GRIK1: variants seen among roughly 807,000 people sequenced by gnomAD.
The protein encoded by GRIK1 is glutamate ionotropic receptor kainate type subunit 1.
A neutral mutation model predicts 105.7 loss-of-function variants in GRIK1; 69 were observed. The ratio of observed to expected loss-of-function variants is 0.65; its 90% CI spans 0.54 to 0.80. The LOEUF (loss-of-function observed/expected upper bound fraction) is 0.80, where lower values mean the gene tolerates loss of function less well. GRIK1 is among the 30% of genes least tolerant of loss of function. GRIK1 has a pLI of 0.00. For synonymous variants in GRIK1, 438 were observed against 431.3 expected (o/e 1.02, Z -0.19); for missense variants, 1,109 against 1,167.3 (o/e 0.95, Z 0.73).
chr21:29,847,026 C>T (rs936391010), intron 1 of GRIK1, among the ~76,000 whole-genome samples: 1 of 152,146 alleles, frequency 6.6e-6, no homozygotes. Flanking sequence ...ACCTCCTACT[C>T]TCTTCTCAAC....
intron 1 of GRIK1, among the ~76,000 whole-genome samples, chr21:29,930,161 C>T (rs755716176): frequency 5.9e-5 from 9 of 152,090 alleles, no homozygotes; most frequent in Non-Finnish European, 8.8e-5. Context: ...TCAGATTTTT[C>T]CTAAGAACAA....
intron 4 of GRIK1, among the ~76,000 whole-genome samples, chr21:29,668,875 T>C (rs1175166912): frequency 2.0e-5 from 3 of 151,238 alleles, no homozygotes; most frequent in African/African-American, 7.3e-5. Context: ...GAAATGAGAG[T>C]GAGGAGGAGC....
At chr21:29,688,636 T>G (rs2063529213) in intron 3 of GRIK1, among the ~76,000 whole-genome samples, 2 of 152,166 alleles carry the variant, frequency 1.3e-5, no homozygotes, top group African/African-American at 4.8e-5. Context: ...TAAGATAAAA[T>G]TAGGATGCTT....
intron 4 of GRIK1, among the ~76,000 whole-genome samples, chr21:29,662,893 T>C (rs1339598016): frequency 2.0e-5 from 3 of 152,134 alleles, no homozygotes; most frequent in Non-Finnish European, 4.4e-5. Flanking sequence ...GGGATATGTT[T>C]CAGGCATTGA....
intron 15 of GRIK1, among the ~76,000 whole-genome samples, chr21:29,560,375 T>C: frequency 1.8e-5 from 1 of 55,480 alleles, no homozygotes; most frequent in Non-Finnish European, 3.3e-5. Context: ...CTTCCTTCCT[T>C]CCTTCCTTCC....
chr21:29,574,036 A>G (rs1289543182), intron 14 of GRIK1, among the ~76,000 whole-genome samples: 1 of 152,210 alleles, frequency 6.6e-6, no homozygotes, highest in Non-Finnish European at 1.5e-5. Context: ...TTTTTCATGT[A>G]CGAAATTATT....
chr21:29,778,316 G>A (rs574185481), intron 1 of GRIK1, among the ~76,000 whole-genome samples: 1 of 152,138 alleles, frequency 6.6e-6, no homozygotes, highest in Non-Finnish European at 1.5e-5. Flanking sequence ...GGATAAAGCC[G>A]ATTTGTTGTT....
intron 17 of GRIK1, 21 bp downstream of exon 17, chr21:29,537,777 T>C (rs2089904193): frequency 2.6e-6 from 3 of 1,139,230 alleles, no homozygotes; most frequent in African/African-American, 3.0e-5. Flanking sequence ...ACTTCAGTAA[T>C]GCTATAGAAA....
chr21:29,893,271 C>A (rs1426436324), intron 1 of GRIK1, among the ~76,000 whole-genome samples: 1 of 152,004 alleles, frequency 6.6e-6, no homozygotes, highest in African/African-American at 2.4e-5. Flanking sequence ...ATCTGGGTAA[C>A]CTTAGAAAAG....
chr21:29,576,950 T>C lies in GRIK1; in HGVS notation c.2130+14A>G, dbSNP rs532026739. 1.7e-5 allele frequency: 24 copies of C among 1,435,566 alleles called. No individual in the cohort carries two copies. Among genetic ancestry groups the C allele is most frequent in the South Asian group, 1.1e-4 (10 of 87,188 alleles). The allele number at this position is 1,435,566 out of a possible 1,614,324, so 88.9% of individuals were successfully genotyped here. A position where few individuals can be genotyped will look rare whatever the true frequency, so the allele number is the denominator to read the frequency against. On this transcript the variant is annotated intron_variant, in intron 14 of 17. Transcript: ENST00000327783. The stretch of plus-strand genomic sequence containing the variant: ...TATCAGATAATCACTGAGAACACTT[T>C]GTCAGCTTCTTACCTTGAAGAAGGT...
At chr21:29,616,386 A>G (rs1045201945) in intron 7 of GRIK1, among the ~76,000 whole-genome samples, 18 of 152,302 alleles carry the variant, frequency 1.2e-4, no homozygotes, top group African/African-American at 3.8e-4. Context: ...GGCTTTTATC[A>G]TTTAAATTCC....
intron 1 of GRIK1, among the ~76,000 whole-genome samples, chr21:29,933,067 C>CT (rs891949559): frequency 2.0e-5 from 3 of 151,434 alleles, no homozygotes; most frequent in African/African-American, 7.3e-5. Flanking sequence ...CTAAGTATAC[C>CT]TTTTTTAAAG....
At chr21:29,545,344 G>A (rs1292193681) in intron 16 of GRIK1, among the ~76,000 whole-genome samples, 3 of 152,196 alleles carry the variant, frequency 2.0e-5, no homozygotes, top group African/African-American at 7.2e-5. Flanking sequence ...CCTCTTCAGA[G>A]TCACTGTCAG....
intron 1 of GRIK1, chr21:29,763,524 T>C (rs957491067): frequency 4.6e-5 from 7 of 152,422 alleles, no homozygotes; most frequent in African/African-American, 1.4e-4. Flanking sequence ...GTATTAGAGT[T>C]TACATCATGG....
chr21:29,882,008 G>A (rs1334542509), intron 1 of GRIK1, among the ~76,000 whole-genome samples: 1 of 152,060 alleles, frequency 6.6e-6, no homozygotes, highest in Non-Finnish European at 1.5e-5. Flanking sequence ...CATGGGATTC[G>A]TAGAACAGAA....
intron 1 of GRIK1, among the ~76,000 whole-genome samples, chr21:29,765,531 A>G (rs2065638484): frequency 6.6e-6 from 1 of 152,038 alleles, no homozygotes; most frequent in Non-Finnish European, 1.5e-5. Flanking sequence ...ACTCTGTAAA[A>G]TTCTTTTCTT....
Position 29,881,513 on chromosome 21 carries a change from C to A in GRIK1, c.118+57870G>T, listed in dbSNP as rs189602474. Among the ~76,000 whole-genome samples the A allele has an allele frequency of 2.0e-5, 3 of 152,216 alleles. No homozygotes were observed. In the East Asian group the frequency reaches 5.8e-4, roughly 29 times the overall value. The stretch of plus-strand genomic sequence containing the variant: ...TATTCCATGCAAGGGTCAGATTCAT[C>A]TAACACATGTATCTGGAACTCTATT... On this transcript the variant is annotated intron_variant, in intron 1 of 17. Transcript: ENST00000327783.
At chr21:29,622,502 G>A (rs2062028284) in intron 7 of GRIK1, among the ~76,000 whole-genome samples, 1 of 152,142 alleles carries the variant, frequency 6.6e-6, no homozygotes. Flanking sequence ...CCTAGCTACA[G>A]GCAGTGTTGG....
intron 1 of GRIK1, among the ~76,000 whole-genome samples, chr21:29,793,742 T>C (rs2066485823): frequency 6.6e-6 from 1 of 152,186 alleles, no homozygotes; most frequent in Non-Finnish European, 1.5e-5. Context: ...TGAAAATCAT[T>C]GATTTCAAAT....
Sources: allele counts gnomAD v4.1 joint callset (sites outside exome capture counted in the v4.1 genomes callset), GRCh38; gene constraint gnomAD v4.1.1; transcripts MANE v1.5; gene names NCBI Gene and HGNC (gene_info 2026-07-23, HGNC 2026-07-21).